The following CC2D2B variants were observed in gnomAD, a reference collection of about 807,000 sequenced individuals.
CC2D2B encodes the protein protein CC2D2B.
A neutral mutation model predicts 161.2 loss-of-function variants in CC2D2B; 128 were observed. The ratio of observed to expected loss-of-function variants is 0.79; its 90% CI spans 0.69 to 0.92. The LOEUF is 0.92. CC2D2B is among the 40% of genes least tolerant of loss of function. The pLI is 0.00. For missense variants in CC2D2B, 1,173 were observed against 1,375.1 expected (o/e 0.85, Z 2.32); for synonymous variants, 391 against 449.8 (o/e 0.87, Z 1.65).
chr10:95,976,676 AC>A (rs1156376110), intron 17 of CC2D2B, among the ~76,000 whole-genome samples: 3 of 152,220 alleles, frequency 2.0e-5, no homozygotes, highest in African/African-American at 7.2e-5. Context: ...TCATTCATTC[AC>A]TTACTCATTC....
At chr10:95,957,553 A>ATTTTTTTTTTTTTTTTTTTTTTTTTT in intron 11 of CC2D2B, among the ~76,000 whole-genome samples, 1 of 83,736 alleles carries the variant, frequency 1.2e-5, no homozygotes, top group Non-Finnish European at 2.2e-5. Context: ...GCTGACAATG[A>ATTTTTTTTTTTTTTTTTTTTTTTTTT]TTTTTTTTTT....
Position 95,968,796 on chromosome 10 carries a change from G to A in CC2D2B, c.1539G>A (p.Gln513=). 1 of 1,198,700 alleles carries A rather than the reference G, an allele frequency of 8.3e-7. No individual in the cohort carries two copies. Among genetic ancestry groups the A allele is most frequent in the Non-Finnish European group, 1.0e-6 (1 of 957,804 alleles). The allele number at this position is 1,198,700 out of a possible 1,614,324, so 74.3% of individuals were successfully genotyped here. A position where few individuals can be genotyped will look rare whatever the true frequency, so the allele number is the denominator to read the frequency against. The part of the protein sequence containing the change: ...YFIKIFYNNK[Q]VSCTSVSPLQ... ...TTAAAATATTTTACAACAATAAACA[G>A]GTTTCTTGTACTTCAGTATCTCCCC... is the stretch of plus-strand genomic sequence containing the variant. Residue 513 remains glutamine (Q), a synonymous_variant, in exon 15 of 35, where the codon CAG becomes CAA. Coordinates refer to ENST00000646931, the MANE Select transcript of CC2D2B (RefSeq NM_001349008.3).
intron 34 of CC2D2B, among the ~76,000 whole-genome samples, chr10:96,027,695 C>CA (rs978834555): frequency 3.3e-5 from 5 of 151,970 alleles, no homozygotes; most frequent in Non-Finnish European, 5.9e-5. Flanking sequence ...CTATCCTAAG[C>CA]AAAAAAACCC....
At chr10:95,938,513 A>C (rs2075908184) in intron 7 of CC2D2B, 56 bp from the exon 8 acceptor site, 1 of 641,224 alleles carries the variant, frequency 1.6e-6, no homozygotes, top group South Asian at 2.0e-5. Context: ...TATTTGGTCA[A>C]TATCCATTTA....
chr10:95,916,392 GTGAT>G (rs1266173538), intron 2 of CC2D2B, among the ~76,000 whole-genome samples: 4 of 151,792 alleles, frequency 2.6e-5, no homozygotes, highest in Non-Finnish European at 5.9e-5. Flanking sequence ...TTATTTTAAT[GTGAT>G]TTATTTCCTG....
intron 7 of CC2D2B, 23 bp from the exon 8 acceptor site, chr10:95,938,546 A>G: frequency 3.0e-6 from 2 of 668,916 alleles, no homozygotes; most frequent in Non-Finnish European, 5.4e-6. Flanking sequence ...TTAAAGTAAT[A>G]TCTAAGTTTT....
intron 5 of CC2D2B, among the ~76,000 whole-genome samples, chr10:95,925,519 G>A (rs1424545043): frequency 2.0e-5 from 3 of 152,252 alleles, no homozygotes; most frequent in Non-Finnish European, 4.4e-5. Context: ...TTAATTTAAT[G>A]TGTAATCAAT....
chr10:95,990,191 ATTATTAG>A (rs1042554382), intron 20 of CC2D2B, among the ~76,000 whole-genome samples: 3 of 152,196 alleles, frequency 2.0e-5, no homozygotes, highest in African/African-American at 7.2e-5. Flanking sequence ...TTGGAAACAC[ATTATTAG>A]TATGTTACAG....
At chr10:95,957,204 T>C (rs1241163782) in intron 11 of CC2D2B, among the ~76,000 whole-genome samples, 4 of 152,150 alleles carry the variant, frequency 2.6e-5, no homozygotes, top group Non-Finnish European at 1.5e-5. Context: ...CTACAAATAT[T>C]GAGGACCTGT....
At chr10:96,029,795 T>C (rs1382421012) in intron 34 of CC2D2B, among the ~76,000 whole-genome samples, 4 of 143,296 alleles carry the variant, frequency 2.8e-5, no homozygotes, top group Non-Finnish European at 6.0e-5. Flanking sequence ...TTTCTATTTG[T>C]ATTATTTTTT....
intron 9 of CC2D2B, among the ~76,000 whole-genome samples, chr10:95,947,198 C>T (rs1349724068): frequency 4.1e-5 from 6 of 146,128 alleles, no homozygotes; most frequent in East Asian, 2.0e-4. Flanking sequence ...CTGCAACCTC[C>T]GCCTCCTGGG....
intron 1 of CC2D2B, among the ~76,000 whole-genome samples, chr10:95,909,733 A>G (rs2098502694): frequency 6.6e-6 from 1 of 152,206 alleles, no homozygotes; most frequent in Non-Finnish European, 1.5e-5. Flanking sequence ...TTATTTTGCT[A>G]GCACTCCTGA....
chr10:95,932,372 C>T (rs1301702699), intron 6 of CC2D2B, among the ~76,000 whole-genome samples: 1 of 152,132 alleles, frequency 6.6e-6, no homozygotes, highest in African/African-American at 2.4e-5. Flanking sequence ...GCATTTAGCC[C>T]ATTTACATTT....
chr10:95,968,877 T>A lies in CC2D2B; in HGVS notation c.1620T>A (p.Tyr540Ter). 1.6e-6 allele frequency: 2 copies of A among 1,229,736 alleles called. No individual in the cohort carries two copies. Among genetic ancestry groups the A allele is most frequent in the Non-Finnish European group, 2.0e-6 (2 of 985,966 alleles). The allele number at this position is 1,229,736 out of a possible 1,614,324, so 76.2% of individuals were successfully genotyped here. Residue 540 changes from tyrosine (Y) to a stop codon, truncating the protein, a stop_gained, in exon 15 of 35, where the codon TAT becomes TAA. Transcript: ENST00000646931. LOFTEE classifies it high-confidence loss of function. Reference sequence around the variant, plus strand: ...AAATTTTCAATATTCAGTTAATGTATTGGCCTGAAGTGATTTGTTTGGAGG... The same window carrying A: ...AAATTTTCAATATTCAGTTAATGTAATGGCCTGAAGTGATTTGTTTGGAGG... The part of the protein sequence containing the change: ...FQQIFNIQLM[Y>*]WPEVICLEVY...
chr10:96,011,912 G>C (rs1055735201), intron 26 of CC2D2B, among the ~76,000 whole-genome samples: 1 of 151,868 alleles, frequency 6.6e-6, no homozygotes, highest in Non-Finnish European at 1.5e-5. Flanking sequence ...GAGCTTTATC[G>C]CTGGTATCGT....
At chr10:95,999,546 TG>T (rs1161672186) in intron 24 of CC2D2B, among the ~76,000 whole-genome samples, 10 of 152,158 alleles carry the variant, frequency 6.6e-5, no homozygotes, top group Non-Finnish European at 1.0e-4. Flanking sequence ...AAATAATATC[TG>T]ACTGTTTTCT....
At position 95,949,997 on chromosome 10, in the gene CC2D2B, T is replaced by C. The variant is rs143275718; in HGVS notation, c.903T>C (p.His301=). Residue 301 remains histidine (H), a synonymous_variant, in exon 10 of 35, where the codon CAT becomes CAC. Coordinates refer to ENST00000646931, the MANE Select transcript of CC2D2B (RefSeq NM_001349008.3). ...ACATTGTGGGTTTGCAATTCAGCCA[T>C]CATCATCTCTTCAATCAAGAGCAAG... ...DLNIVGLQFS[H]HHLFNQEQVL... The C allele has an allele frequency of 0.01, 4,137 of 398,832 alleles. 37 individuals carry two copies. The highest frequency in any genetic ancestry group is 0.015 in the Non-Finnish European group (3,405 of 225,954). 24.7% of individuals were successfully genotyped at this position (398,832 alleles called of 1,614,324 possible).
chr10:95,980,688 A>G (rs750872032), intron 17 of CC2D2B, among the ~76,000 whole-genome samples: 9 of 152,194 alleles, frequency 5.9e-5, no homozygotes, highest in Non-Finnish European at 1.3e-4. Flanking sequence ...TTTTCCTTAC[A>G]TCTTACCATA....
At chr10:95,919,962 CTA>C (rs2098523577) in intron 2 of CC2D2B, 1 of 151,830 alleles carries the variant, frequency 6.6e-6, no homozygotes. Flanking sequence ...CCAGTGGTGA[CTA>C]TACCCTGACT....
Sources: allele counts gnomAD v4.1 joint callset (sites outside exome capture counted in the v4.1 genomes callset), GRCh38; gene constraint gnomAD v4.1.1; transcripts MANE v1.5; gene names NCBI Gene and HGNC (gene_info 2026-07-23, HGNC 2026-07-21).